The following HPRT1 variants were observed in gnomAD, a reference collection of about 807,000 sequenced individuals.
HPRT1 encodes hypoxanthine phosphoribosyltransferase 1.
In HPRT1, 4 loss-of-function variants were observed where a neutral mutation model predicts 19.0. The ratio of observed to expected loss-of-function variants is 0.21; its 90% CI spans 0.10 to 0.48. The LOEUF (loss-of-function observed/expected upper bound fraction) is 0.48, where lower values mean the gene tolerates loss of function less well. HPRT1 is among the 20% of genes least tolerant of loss of function. The pLI is 0.98. For synonymous variants in HPRT1, 53 were observed against 54.9 expected (o/e 0.97, Z 0.15); for missense variants, 65 against 164.0 (o/e 0.40, Z 3.30).
intron 3 of HPRT1, among the ~76,000 whole-genome samples, chrX:134,482,219 AATTTTTTGT>A (rs747573748): frequency 1.2e-4 from 13 of 109,640 alleles, no homozygotes; most frequent in African/African-American, 2.3e-4. Context: ...ACGCCCAGCT[AATTTTTTGT>A]ATTTTTTGTA....
intron 5 of HPRT1, chrX:134,492,451 G>C (rs1488444533): frequency 6.2e-6 from 2 of 324,230 alleles, no homozygotes; most frequent in African/African-American, 2.7e-5. Context: ...TGTATCCTCT[G>C]CTCAGGGGCT....
At chrX:134,499,955 T>C (rs1370758122) in intron 8 of HPRT1, 75 bp from the exon 9 acceptor site, 10 of 673,053 alleles carry the variant, frequency 1.5e-5, no homozygotes, top group Non-Finnish European at 2.4e-5. Flanking sequence ...AGTGTTCTTA[T>C]ATGTAAAATG....
intron 1 of HPRT1, among the ~76,000 whole-genome samples, chrX:134,461,504 T>C (rs2077583963): frequency 8.9e-6 from 1 of 112,462 alleles, no homozygotes; most frequent in Non-Finnish European, 1.9e-5. Flanking sequence ...TTACTAGTTG[T>C]GTGGCTGTGG....
intron 3 of HPRT1, among the ~76,000 whole-genome samples, chrX:134,484,652 A>C (rs1025231855): frequency 8.9e-6 from 1 of 112,433 alleles, no homozygotes; most frequent in Non-Finnish European, 1.9e-5. Context: ...GTCATAGGCA[A>C]CACAGTGTTC....
At chrX:134,499,783 G>A (rs1198867738) in intron 8 of HPRT1, among the ~76,000 whole-genome samples, 22 of 109,303 alleles carry the variant, frequency 2.0e-4, no homozygotes, top group South Asian at 7.8e-4. Flanking sequence ...CAGTCTGGGT[G>A]ACAGAGCAAG....
At chrX:134,493,454 A>T in intron 5 of HPRT1, 54 bp from the exon 6 acceptor site, 1 of 851,650 alleles carries the variant, frequency 1.2e-6, no homozygotes, top group Admixed American at 2.2e-5. Context: ...GGGTTTTGGT[A>T]CTTTATATTG....
intron 3 of HPRT1, among the ~76,000 whole-genome samples, chrX:134,485,779 A>T (rs1458471776): frequency 3.6e-5 from 4 of 111,435 alleles, no homozygotes; most frequent in Non-Finnish European, 7.5e-5. Context: ...CTTTCACCCA[A>T]ATTTTCTGTC....
chrX:134,465,908 A>G (rs1253240310), intron 1 of HPRT1, among the ~76,000 whole-genome samples: 5 of 111,433 alleles, frequency 4.5e-5, no homozygotes, highest in Non-Finnish European at 7.5e-5. Flanking sequence ...CCCCAAAGCC[A>G]TACAGGACCT....
chrX:134,467,610 A>G (rs761343467), intron 1 of HPRT1, among the ~76,000 whole-genome samples: 6 of 111,461 alleles, frequency 5.4e-5, no homozygotes, highest in Non-Finnish European at 1.1e-4. Context: ...ATTTCTGTCT[A>G]GCTCTTATAG....
At chrX:134,471,891 G>A (rs17885490) in intron 1 of HPRT1, among the ~76,000 whole-genome samples, 10 of 111,800 alleles carry the variant, frequency 8.9e-5, no homozygotes, top group African/African-American at 3.3e-4. Context: ...CGCCCACCTG[G>A]GCCTCCCAAA....
chrX:134,476,205 C>G (rs746147176), intron 3 of HPRT1, among the ~76,000 whole-genome samples: 1 of 111,994 alleles, frequency 8.9e-6, no homozygotes, highest in East Asian at 2.8e-4. Context: ...CTACATTTAA[C>G]TATCAACCTC....
chrX:134,482,617 T>C (rs1003426154), intron 3 of HPRT1, among the ~76,000 whole-genome samples: 2 of 111,320 alleles, frequency 1.8e-5, no homozygotes, highest in Non-Finnish European at 3.8e-5. Flanking sequence ...TATGGGACAG[T>C]GTAGTACTAG....
chrX:134,477,115 C>G (rs1412170902), intron 3 of HPRT1, among the ~76,000 whole-genome samples: 1 of 103,143 alleles, frequency 9.7e-6, no homozygotes, highest in East Asian at 3.0e-4. Flanking sequence ...GGCTGGAGTG[C>G]AGTGGCATGA....
At chrX:134,492,386 G>T in intron 5 of HPRT1, 1 of 231,085 alleles carries the variant, frequency 4.3e-6, no homozygotes, top group Non-Finnish European at 8.5e-6. Context: ...TATCCTTAAA[G>T]TTGATATATA....
At chrX:134,473,552 A>G in intron 2 of HPRT1, 87 bp downstream of exon 2, 3 of 580,394 alleles carry the variant, frequency 5.2e-6, no homozygotes, top group Non-Finnish European at 8.9e-6. Context: ...TGCTATTTGA[A>G]CATAAACTAG....
chrX:134,465,279 G>T (rs2077594206), intron 1 of HPRT1, among the ~76,000 whole-genome samples: 1 of 108,587 alleles, frequency 9.2e-6, no homozygotes, highest in Non-Finnish European at 1.9e-5. Context: ...ATGAATTGAT[G>T]TTGCAAGTAT....
chrX:134,496,675 TC>T (rs978479303), intron 6 of HPRT1, among the ~76,000 whole-genome samples: 3 of 112,205 alleles, frequency 2.7e-5, no homozygotes, highest in Admixed American at 9.4e-5. Flanking sequence ...AATTAGATGA[TC>T]CCTTGGAGTC....
chrX:134,462,402 G>A (rs1261040096), intron 1 of HPRT1, among the ~76,000 whole-genome samples: 2 of 111,152 alleles, frequency 1.8e-5, no homozygotes, highest in Admixed American at 9.6e-5. Context: ...GGCTACTCTC[G>A]AACTCCTGAT....
At chrX:134,497,218 A>G (rs2077682884) in intron 6 of HPRT1, among the ~76,000 whole-genome samples, 2 of 111,788 alleles carry the variant, frequency 1.8e-5, no homozygotes, top group South Asian at 7.4e-4. Flanking sequence ...AGTCCCAGCT[A>G]CTCGGAAGGC....
Sources: allele counts gnomAD v4.1 joint callset (sites outside exome capture counted in the v4.1 genomes callset), GRCh38; gene constraint gnomAD v4.1.1; transcripts MANE v1.5; gene names NCBI Gene and HGNC (gene_info 2026-07-23, HGNC 2026-07-21).